CRYBG2: variants seen among roughly 807,000 people sequenced by gnomAD.
CRYBG2 encodes the protein beta/gamma crystallin domain-containing protein 2.
Under a neutral mutation model 153.4 loss-of-function variants are expected in CRYBG2, and 106 were observed. The ratio of observed to expected loss-of-function variants is 0.69; its 90% CI spans 0.59 to 0.81. The LOEUF (loss-of-function observed/expected upper bound fraction) is 0.81. CRYBG2 is among the 30% of genes least tolerant of loss of function. CRYBG2 has a pLI of 0.00. For missense variants in CRYBG2, 1,996 were observed against 2,112.0 expected (o/e 0.95, Z 1.08); for synonymous variants, 851 against 877.8 (o/e 0.97, Z 0.54).
rs1305544164 is a variant in CRYBG2 at position 26,343,419 on chromosome 1, G to C, written c.2914-126C>G. The C allele has an allele frequency of 2.5e-6, 3 of 1,186,636 alleles. No homozygotes were observed. The highest frequency in any genetic ancestry group is 4.0e-5 in the Admixed American group (2 of 50,160). The allele number at this position is 1,186,636 out of a possible 1,614,324, so 73.5% of individuals were successfully genotyped here. On this transcript the variant is annotated intron_variant, in intron 2 of 19. Coordinates refer to ENST00000308182, the MANE Select transcript of CRYBG2 (RefSeq NM_001039775.4). The surrounding 1 kb of genome is among the most constrained non-coding windows in gnomAD (Gnocchi z 4.1). ...TCCACCCGCAAGGAGCTGGCGCATA[G>C]AGGATGCTCACACTTGTTCCCAACC... is the stretch of plus-strand genomic sequence containing the variant.
Position 26,343,081 on chromosome 1 carries a change from C to T in CRYBG2, c.3040G>A (p.Ala1014Thr). The change falls in exon 4 of 20, where the codon GCC becomes ACC. Residue 1014 changes from alanine to threonine, a missense_variant. By Grantham distance (58) the Ala-to-Thr change is moderately conservative. Coordinates refer to ENST00000308182, the MANE Select transcript of CRYBG2 (RefSeq NM_001039775.4). This position sits in a 1 kb window ranked among gnomAD's most constrained non-coding sequence, Gnocchi z 4.1. ...WGDIVDASGW[A>T]PVASIRVVRG... Reference sequence around the variant, plus strand: ...ACTACCCTTATGGAGGCTACGGGGGCCCAGCCTGAGGCATCAACGATGTCT... The same window carrying T: ...ACTACCCTTATGGAGGCTACGGGGGTCCAGCCTGAGGCATCAACGATGTCT... 6.5e-7 allele frequency: 1 copy of T among 1,550,364 alleles called. No individual in the cohort carries two copies. Among genetic ancestry groups the T allele is most frequent in the Non-Finnish European group, 8.7e-7 (1 of 1,146,948 alleles).
At chr1:26,331,400 C>G in intron 15 of CRYBG2, 89 bp downstream of exon 15, 1 of 1,543,142 alleles carries the variant, frequency 6.5e-7, no homozygotes, top group Non-Finnish European at 8.8e-7. Flanking sequence ...GAATCAACCC[C>G]TGCACCAGCA....
chr1:26,345,551 A>T lies in CRYBG2; in HGVS notation c.1107T>A (p.Pro369=). Residue 369 remains proline, a synonymous_variant, in exon 2 of 20, where the codon CCT becomes CCA. Coordinates refer to ENST00000308182, the MANE Select transcript of CRYBG2 (RefSeq NM_001039775.4). ...GAGTGGGCACCACAGGCTGCTTTGCAGGGTGAGTTAGGCCAGGAGAGGGGA... is the reference window on the plus strand; with the variant it reads ...GAGTGGGCACCACAGGCTGCTTTGCTGGGTGAGTTAGGCCAGGAGAGGGGA... The part of the protein sequence containing the change: ...THVPSPGLTH[P]AKQPVVPTHP... 1 of 1,603,826 alleles carries T rather than the reference A, an allele frequency of 6.2e-7. No homozygotes were observed. The highest frequency in any genetic ancestry group is 8.5e-7 in the Non-Finnish European group (1 of 1,175,770).
chr1:26,349,083 C>T (rs988769122), intron 1 of CRYBG2, among the ~76,000 whole-genome samples: 98 of 151,964 alleles, frequency 6.4e-4, no homozygotes, highest in African/African-American at 2.2e-3. Flanking sequence ...GTAGGAGAAT[C>T]GCTTGAACCT....
chr1:26,327,871 C>T (rs1274711431), intron 17 of CRYBG2, among the ~76,000 whole-genome samples: 1 of 148,540 alleles, frequency 6.7e-6, no homozygotes, highest in Non-Finnish European at 1.5e-5. Context: ...CACTTAAACC[C>T]GGGAGGTGGA....
At chr1:26,332,569 C>T (rs1172842339) in intron 14 of CRYBG2, among the ~76,000 whole-genome samples, 2 of 151,904 alleles carry the variant, frequency 1.3e-5, no homozygotes, top group Admixed American at 6.6e-5. Context: ...TGCAATGGCG[C>T]GATCTCAGCT....
At chr1:26,331,139 C>T (rs1243832040) in intron 15 of CRYBG2, among the ~76,000 whole-genome samples, 5 of 152,248 alleles carry the variant, frequency 3.3e-5, no homozygotes, top group Non-Finnish European at 7.3e-5. Context: ...CTTGGCAGCA[C>T]TGGCCCCTGC....
intron 1 of CRYBG2, among the ~76,000 whole-genome samples, chr1:26,352,185 A>G (rs1276062608): frequency 6.6e-6 from 1 of 152,148 alleles, no homozygotes; most frequent in African/African-American, 2.4e-5. Flanking sequence ...GCTGTGTCAC[A>G]CAGACGCAGG....
In CRYBG2 at chr1:26,324,139, C is replaced by T; in HGVS notation, c.4737+13G>A. Reference sequence around the variant, plus strand: ...GGGCCAGGGTGTCCCTGTGCCAGCCCCTGTATCAGTACCTGGTTCTTCAGC... The same window carrying T: ...GGGCCAGGGTGTCCCTGTGCCAGCCTCTGTATCAGTACCTGGTTCTTCAGC... On this transcript the variant is annotated intron_variant, in intron 18 of 19. Transcript: ENST00000308182. 1.2e-6 allele frequency: 2 copies of T among 1,611,082 alleles called. No individual in the cohort carries two copies. Among genetic ancestry groups the T allele is most frequent in the Non-Finnish European group, 1.7e-6 (2 of 1,178,338 alleles).
In CRYBG2 at chr1:26,331,637, T is replaced by C. The variant is rs1298965363; in HGVS notation, c.4185-19A>G. ...GATCCAGCTAGGGAAGGGGAAGAAATGGAGGGTATCTGAGCCTACCTGTCC... is the reference window on the plus strand; with the variant it reads ...GATCCAGCTAGGGAAGGGGAAGAAACGGAGGGTATCTGAGCCTACCTGTCC... On this transcript the variant is annotated intron_variant, in intron 14 of 19. Coordinates refer to ENST00000308182, the MANE Select transcript of CRYBG2 (RefSeq NM_001039775.4). The C allele has an allele frequency of 3.1e-6, 5 of 1,612,404 alleles. No individual in the cohort carries two copies. The highest frequency in any genetic ancestry group is 3.4e-6 in the Non-Finnish European group (4 of 1,179,756).
At chr1:26,332,306 C>CA (rs567865951) in intron 14 of CRYBG2, among the ~76,000 whole-genome samples, 25,718 of 71,118 alleles carry the variant, frequency 0.36, 3,632 homozygotes, top group Non-Finnish European at 0.41. Context: ...GACTCCGTGT[C>CA]AAAAAAAAAA....
intron 18 of CRYBG2, 47 bp downstream of exon 18, chr1:26,324,105 A>G: frequency 6.3e-7 from 1 of 1,587,014 alleles, no homozygotes; most frequent in Non-Finnish European, 8.6e-7. Context: ...GTGGACCTGC[A>G]AATGCCTAGG....
chr1:26,331,450 T>G, intron 15 of CRYBG2, 39 bp downstream of exon 15: 3 of 1,595,584 alleles, frequency 1.9e-6, no homozygotes, highest in Non-Finnish European at 2.6e-6. Flanking sequence ...CAGCAACTTC[T>G]GCTTCCGGGA....
chr1:26,323,673 C>A (rs938702686), intron 18 of CRYBG2, among the ~76,000 whole-genome samples: 25 of 151,898 alleles, frequency 1.6e-4, no homozygotes, highest in African/African-American at 2.4e-5. Flanking sequence ...GGCTGGAGTG[C>A]AGTGGCGCAA....
At position 26,333,014 on chromosome 1, in the gene CRYBG2, CAAA is replaced by C. The variant is rs59155910; in HGVS notation, c.4185-1399_4185-1397del. 6.1e-4 allele frequency among the ~76,000 whole-genome samples: 44 copies of C among 71,936 alleles called. 7 individuals are homozygous for C. Among genetic ancestry groups the C allele is most frequent in the South Asian group, 2.5e-3 (4 of 1,612 alleles). 47.2% of individuals were successfully genotyped at this position (71,936 alleles called of 152,430 possible). On this transcript the variant is annotated intron_variant, in intron 14 of 19. Coordinates refer to ENST00000308182, the MANE Select transcript of CRYBG2 (RefSeq NM_001039775.4). ...GCCAGTGGATGAACACACCAAACCC[CAAA>C]AAAAAAAAAAAAAAAAAAAAAAAAA...
Position 26,336,596 on chromosome 1 carries a change from CG to C in CRYBG2, c.4038+9del. ...CCGGGGAGGCCCCGCCCCCCGCGGC[CG>C]GCACGCACCTGTAGGACCGGCTGCA... On this transcript the variant is annotated intron_variant, in intron 12 of 19. Coordinates refer to ENST00000308182, the MANE Select transcript of CRYBG2 (RefSeq NM_001039775.4). This position sits in a 1 kb window ranked among gnomAD's most constrained non-coding sequence, Gnocchi z 4.9. 6.5e-7 allele frequency: 1 copy of C among 1,545,596 alleles called. No homozygotes were observed.
At position 26,336,453 on chromosome 1, in the gene CRYBG2, C is replaced by T. The variant is rs914403808; in HGVS notation, c.4039-83G>A. 2.7e-5 allele frequency: 42 copies of T among 1,567,370 alleles called. No homozygotes were observed. Among genetic ancestry groups the T allele is most frequent in the Non-Finnish European group, 3.4e-5 (39 of 1,156,248 alleles). ...CTCTAGGTTTCAGTACCGTCCACCCCGCGGCCGCGCCCTCGGCCCCGCCCC... is the reference window on the plus strand; with the variant it reads ...CTCTAGGTTTCAGTACCGTCCACCCTGCGGCCGCGCCCTCGGCCCCGCCCC... On this transcript the variant is annotated intron_variant, in intron 12 of 19. Coordinates refer to ENST00000308182, the MANE Select transcript of CRYBG2 (RefSeq NM_001039775.4). This position sits in a 1 kb window ranked among gnomAD's most constrained non-coding sequence, Gnocchi z 4.9.
chr1:26,339,201 G>C (rs995296234), intron 6 of CRYBG2, 89 bp downstream of exon 6: 1 of 1,503,934 alleles, frequency 6.6e-7, no homozygotes, highest in Admixed American at 2.1e-5. Flanking sequence ...CACTCCTGAA[G>C]GCAGGAACTG....
intron 17 of CRYBG2, among the ~76,000 whole-genome samples, chr1:26,324,557 C>A (rs2073901407): frequency 6.6e-6 from 1 of 151,882 alleles, no homozygotes; most frequent in African/African-American, 2.4e-5. Context: ...CATAGAGGTA[C>A]CCACAGATGT....
Sources: allele counts gnomAD v4.1 joint callset (sites outside exome capture counted in the v4.1 genomes callset), GRCh38; gene constraint gnomAD v4.1.1; non-coding constraint Gnocchi (gnomAD v3.1); transcripts MANE v1.5; gene names NCBI Gene and HGNC (gene_info 2026-07-23, HGNC 2026-07-21).